Variants in CPLANE1 observed in about 807,000 individuals in gnomAD.
CPLANE1 encodes the protein ciliogenesis and planar polarity effector complex subunit 1.
Under a neutral mutation model 362.5 loss-of-function variants are expected in CPLANE1, and 263 were observed. The ratio of observed to expected loss-of-function variants is 0.73; its 90% CI spans 0.66 to 0.80. The LOEUF (loss-of-function observed/expected upper bound fraction) is 0.80. Among genes scored for constraint, CPLANE1 ranks in the 30% least tolerant of loss-of-function variants. The probability of loss-of-function intolerance (pLI) is 0.00; values close to 1 mark genes in which losing one functional copy is unlikely to be tolerated. For missense variants in CPLANE1, 3,461 were observed against 3,793.4 expected (o/e 0.91, Z 2.30); for synonymous variants, 1,212 against 1,302.6 (o/e 0.93, Z 1.50).
At chr5:37,081,963 C>A in the CPLANE1 span, among the ~76,000 whole-genome samples, 1 of 151,980 alleles carries the variant, frequency 6.6e-6, no homozygotes, top group African/African-American at 2.4e-5. Flanking sequence ...ATGGTGAATT[C>A]CTGTCTCTAC....
chr5:37,117,853 T>C (rs1761475412), intron 50 of CPLANE1, among the ~76,000 whole-genome samples: 1 of 152,202 alleles, frequency 6.6e-6, no homozygotes, highest in Admixed American at 6.5e-5. Context: ...AAGCACAAGG[T>C]AAAAATAAAG....
chr5:37,107,916 G>T, intron 52 of CPLANE1, 138 bp from the exon 53 acceptor site: 1 of 1,363,630 alleles, frequency 7.3e-7, no homozygotes, highest in Non-Finnish European at 9.7e-7. Flanking sequence ...AAGGAAATGT[G>T]CCAGGAAATA....
At chr5:37,081,996 G>T in the CPLANE1 span, among the ~76,000 whole-genome samples, 4 of 151,800 alleles carry the variant, frequency 2.6e-5, no homozygotes, top group African/African-American at 7.3e-5. Context: ...AATGAGCAGG[G>T]CGTGGTGAAT....
intron 50 of CPLANE1, among the ~76,000 whole-genome samples, chr5:37,118,960 C>T (rs555930936): frequency 2.6e-5 from 4 of 152,214 alleles, no homozygotes; most frequent in Admixed American, 2.6e-4. Flanking sequence ...GATCTGCCCA[C>T]CTCGGCCTCC....
At chr5:37,112,719 T>C (rs1391254633) in intron 51 of CPLANE1, among the ~76,000 whole-genome samples, 1 of 152,192 alleles carries the variant, frequency 6.6e-6, no homozygotes, top group Admixed American at 6.5e-5. Context: ...AAATCCTGCT[T>C]CTTTTCCTGC....
chr5:37,111,361 T>C (rs969479963), intron 51 of CPLANE1, among the ~76,000 whole-genome samples: 5 of 151,922 alleles, frequency 3.3e-5, no homozygotes, highest in Non-Finnish European at 7.4e-5. Flanking sequence ...CCTGACCTCA[T>C]GATCCGCCCG....
intron 8 of CPLANE1, among the ~76,000 whole-genome samples, chr5:37,231,852 C>CATTA (rs2150531870): frequency 6.6e-6 from 1 of 152,040 alleles, no homozygotes; most frequent in South Asian, 2.1e-4. Flanking sequence ...TCTGGTGATA[C>CATTA]TAATGTTTAA....
the CPLANE1 span, among the ~76,000 whole-genome samples, chr5:37,087,571 C>T: frequency 6.6e-6 from 1 of 152,214 alleles, no homozygotes; most frequent in African/African-American, 2.4e-5. Flanking sequence ...ATTCTCCTGC[C>T]TCAGCCTCCC....
Position 37,183,384 on chromosome 5 carries a change from T to C in CPLANE1, c.4797A>G (p.Thr1599=), listed in dbSNP as rs776717556. The change falls in exon 26 of 53, where the codon ACA becomes ACG. Residue 1599 remains threonine, a synonymous_variant. Transcript: ENST00000651892. The stretch of plus-strand genomic sequence containing the variant: ...TAGTTTTGCTCTGATGTCGTTTTAA[T>C]GTTGTATGTACATCAAAAAGTAAAG... ...LNSLLFDVHT[T]LKRHQSKTKS... The C allele has an allele frequency of 3.1e-6, 5 of 1,612,610 alleles. No individual in the cohort carries two copies. Among genetic ancestry groups the C allele is most frequent in the Non-Finnish European group, 3.4e-6 (4 of 1,179,614 alleles).
intron 24 of CPLANE1, among the ~76,000 whole-genome samples, chr5:37,186,012 T>C (rs527738161): frequency 6.6e-6 from 1 of 152,294 alleles, no homozygotes; most frequent in Non-Finnish European, 1.5e-5. Context: ...ACTTTACAAA[T>C]AAAGATATGA....
chr5:37,180,131 T>C lies in CPLANE1; in HGVS notation c.5623A>G (p.Ile1875Val), dbSNP rs769707371. Residue 1875 changes from isoleucine (I) to valine (V), a missense_variant, in exon 28 of 53, where the codon ATT becomes GTT. Around this residue, in one of 2 missense-constraint regions of CPLANE1, gnomAD observed 3,380 missense variants for 3,666.1 expected, o/e 0.92. Transcript: ENST00000651892. Reference sequence around the variant, plus strand: ...TTAGTATTATGAGTGATGGAAATAATATCATCATTGATTTCTTTTATATCA... The same window carrying C: ...TTAGTATTATGAGTGATGGAAATAACATCATCATTGATTTCTTTTATATCA... ...NPDIKEINDD[I>V]ISITHNTKKE... 2 of 1,547,786 alleles carry C rather than the reference T, an allele frequency of 1.3e-6. No individual in the cohort carries two copies. The highest frequency in any genetic ancestry group is 1.7e-4 in the Middle Eastern group (1 of 5,808).
intron 43 of CPLANE1, among the ~76,000 whole-genome samples, chr5:37,145,247 G>A (rs1287798185): frequency 6.6e-6 from 1 of 152,182 alleles, no homozygotes; most frequent in African/African-American, 2.4e-5. Flanking sequence ...AGTGGTTGCA[G>A]TGAGCTGAGA....
At chr5:37,214,545 G>C (rs1401943212) in intron 15 of CPLANE1, among the ~76,000 whole-genome samples, 1 of 152,174 alleles carries the variant, frequency 6.6e-6, no homozygotes, top group Non-Finnish European at 1.5e-5. Flanking sequence ...ACAGTCAAGA[G>C]AAATGTAAAC....
the CPLANE1 span, among the ~76,000 whole-genome samples, chr5:37,082,986 A>G: frequency 2.6e-5 from 4 of 152,114 alleles, no homozygotes; most frequent in Non-Finnish European, 5.9e-5. Flanking sequence ...CAGGAAACCC[A>G]AGGGGACCCA....
At chr5:37,237,028 T>C (rs909705380) in intron 8 of CPLANE1, among the ~76,000 whole-genome samples, 36 of 152,148 alleles carry the variant, frequency 2.4e-4, no homozygotes, top group African/African-American at 8.7e-4. Flanking sequence ...CATTATGGTA[T>C]AGAGATTTCT....
chr5:37,139,234 C>T, intron 45 of CPLANE1, 106 bp downstream of exon 45: 1 of 1,133,058 alleles, frequency 8.8e-7, no homozygotes. Flanking sequence ...TTCCTTTAAA[C>T]CACAAAGATA....
chr5:37,087,970 A>G, the CPLANE1 span, among the ~76,000 whole-genome samples: 1 of 152,328 alleles, frequency 6.6e-6, no homozygotes, highest in East Asian at 1.9e-4. Context: ...CAAGCCAACC[A>G]GAATCAGGTG....
At chr5:37,227,190 C>A in intron 11 of CPLANE1, 53 bp downstream of exon 11, 1 of 1,527,388 alleles carries the variant, frequency 6.5e-7, no homozygotes, top group South Asian at 1.3e-5. Flanking sequence ...GAATATGTTT[C>A]TTGGAATAAA....
intron 41 of CPLANE1, among the ~76,000 whole-genome samples, chr5:37,155,967 T>C (rs1040675873): frequency 6.6e-6 from 1 of 152,212 alleles, no homozygotes; most frequent in African/African-American, 2.4e-5. Context: ...CCACCACTCA[T>C]GCATCTTAGC....
Sources: gnomAD v4.1 joint callset for allele counts (sites outside exome capture counted in the v4.1 genomes callset) on GRCh38, gnomAD v4.1.1 for gene constraint, gnomAD v4.1.1 regional missense constraint, MANE v1.5 for transcripts, NCBI Gene and HGNC (gene_info 2026-07-23, HGNC 2026-07-21) for gene names.